Variants in RANBP17 observed in about 807,000 individuals in gnomAD.
RANBP17 encodes RAN binding protein 17, also known as ran-binding protein 17.
Under a neutral mutation model 141.2 loss-of-function variants are expected in RANBP17, and 158 were observed. The observed-to-expected ratio is 1.12, with a 90% CI of 0.98 to 1.28. The LOEUF is 1.28. Among genes scored for constraint, RANBP17 ranks in the 50% most tolerant of loss-of-function variants. The probability of loss-of-function intolerance (pLI) is 0.00; values close to 1 mark genes in which losing one functional copy is unlikely to be tolerated. For synonymous variants in RANBP17, 430 were observed against 450.0 expected, an observed-to-expected ratio of 0.96 and a Z score of 0.56; for missense variants, 1,438 against 1,290.7, an observed-to-expected ratio of 1.11 and a Z score of -1.75.
chr5:171,233,169 C>G (rs1764310507), intron 22 of RANBP17, among the ~76,000 whole-genome samples: 1 of 151,864 alleles, frequency 6.6e-6, no homozygotes, highest in Non-Finnish European at 1.5e-5. Context: ...GAGACCCCGT[C>G]TCTATAAAAA....
intron 14 of RANBP17, among the ~76,000 whole-genome samples, chr5:171,145,130 A>G (rs1460491190): frequency 6.6e-6 from 1 of 152,248 alleles, no homozygotes; most frequent in Admixed American, 6.5e-5. Context: ...GGGCTTCTGT[A>G]TATAAAGAAA....
At chr5:171,024,844 G>C (rs572877386) in intron 14 of RANBP17, among the ~76,000 whole-genome samples, 1 of 150,290 alleles carries the variant, frequency 6.7e-6, no homozygotes, top group Non-Finnish European at 1.5e-5. Context: ...TTCAATTACT[G>C]TCTATTTCCT....
In RANBP17 at chr5:171,054,393, G is replaced by A. The variant is rs1030817545; in HGVS notation, c.1710+86016G>A. 3.9e-5 allele frequency among the ~76,000 whole-genome samples: 6 copies of A among 152,160 alleles called. No homozygotes were observed. In the South Asian group the frequency reaches 6.2e-4, roughly 16 times the overall value. Reference sequence around the variant, plus strand: ...CATTAGTTTTCTGGAAAAGGGGTGGGCAGTTCTTGGAACTGAGGGTTCCTC... The same window carrying A: ...CATTAGTTTTCTGGAAAAGGGGTGGACAGTTCTTGGAACTGAGGGTTCCTC... On this transcript the variant is annotated intron_variant, in intron 14 of 27. Transcript: ENST00000523189.
At chr5:171,173,918 C>A (rs1026043289) in intron 16 of RANBP17, among the ~76,000 whole-genome samples, 1 of 152,066 alleles carries the variant, frequency 6.6e-6, no homozygotes, top group Non-Finnish European at 1.5e-5. Flanking sequence ...TCTGGTACTT[C>A]CCTCACAGAC....
At chr5:171,127,737 G>C (rs1228053625) in intron 14 of RANBP17, among the ~76,000 whole-genome samples, 1 of 152,146 alleles carries the variant, frequency 6.6e-6, no homozygotes, top group Non-Finnish European at 1.5e-5. Flanking sequence ...GGTGAAAAGG[G>C]AACTGTCATA....
chr5:170,987,542 A>G (rs201377325), intron 14 of RANBP17, among the ~76,000 whole-genome samples: 2 of 16,830 alleles, frequency 1.2e-4, no homozygotes, highest in East Asian at 5.3e-3. Context: ...AGGCCTTTTT[A>G]AAAAAAAAAT....
intron 1 of RANBP17, among the ~76,000 whole-genome samples, chr5:170,868,945 T>A (rs953539859): frequency 1.3e-5 from 2 of 152,214 alleles, no homozygotes; most frequent in African/African-American, 4.8e-5. Context: ...GAAGGGTCTT[T>A]GTGTGTGTAT....
chr5:171,148,609 T>TAGAGAG (rs1172362224), intron 14 of RANBP17, among the ~76,000 whole-genome samples: 8 of 150,378 alleles, frequency 5.3e-5, no homozygotes, highest in African/African-American at 2.0e-4. Flanking sequence ...GATATATATA[T>TAGAGAG]ATATATAGAG....
At chr5:171,170,107 A>C in intron 14 of RANBP17, 23 bp from the exon 15 acceptor site, 4 of 1,343,498 alleles carry the variant, frequency 3.0e-6, no homozygotes, top group Non-Finnish European at 3.1e-6. Flanking sequence ...TAAAACTTTT[A>C]ACAATGAAAT....
chr5:170,916,806 C>A (rs1026721761), intron 9 of RANBP17, among the ~76,000 whole-genome samples: 1 of 151,554 alleles, frequency 6.6e-6, no homozygotes, highest in Non-Finnish European at 1.5e-5. Context: ...ACCTCTACCT[C>A]CCGGGTTCGA....
intron 14 of RANBP17, among the ~76,000 whole-genome samples, chr5:171,136,405 C>CT (rs928795139): frequency 6.6e-5 from 10 of 151,012 alleles, no homozygotes; most frequent in Middle Eastern, 3.4e-3. Flanking sequence ...ATTTTCTCAC[C>CT]TTTTTTTTTC....
chr5:171,175,432 A>C (rs1760383128), intron 16 of RANBP17, among the ~76,000 whole-genome samples: 1 of 152,144 alleles, frequency 6.6e-6, no homozygotes, highest in Non-Finnish European at 1.5e-5. Flanking sequence ...CTGTTTCTCC[A>C]CATCCTCTCC....
chr5:171,168,624 G>A (rs1438134800), intron 14 of RANBP17, among the ~76,000 whole-genome samples: 1 of 152,050 alleles, frequency 6.6e-6, no homozygotes, highest in Non-Finnish European at 1.5e-5. Flanking sequence ...AGGATTGTTG[G>A]TAACTGACTT....
intron 14 of RANBP17, among the ~76,000 whole-genome samples, chr5:171,120,734 C>T (rs1185923881): frequency 6.6e-6 from 1 of 152,146 alleles, no homozygotes; most frequent in East Asian, 1.9e-4. Context: ...GAGTCTGTTA[C>T]TGGTGAATTA....
intron 14 of RANBP17, among the ~76,000 whole-genome samples, chr5:170,996,614 G>A (rs1232907988): frequency 6.6e-6 from 1 of 152,140 alleles, no homozygotes; most frequent in African/African-American, 2.4e-5. Flanking sequence ...GTACTCAAAA[G>A]CACTTGCCGT....
intron 12 of RANBP17, among the ~76,000 whole-genome samples, chr5:170,950,431 A>G (rs1361300181): frequency 6.6e-6 from 1 of 152,190 alleles, no homozygotes; most frequent in Non-Finnish European, 1.5e-5. Flanking sequence ...AATGACATGA[A>G]TAGACATTTC....
At chr5:171,241,225 C>T in intron 23 of RANBP17, 83 bp downstream of exon 23, 1 of 1,018,104 alleles carries the variant, frequency 9.8e-7, no homozygotes, top group Non-Finnish European at 1.5e-6. Context: ...TAATGAAGCC[C>T]AGGGAGTTAG....
rs140961949 is a variant in RANBP17, at chr5:170,930,172, A to G, written c.1468+5622A>G. Among the ~76,000 whole-genome samples the G allele has an allele frequency of 2.6e-3, 381 of 149,112 alleles. 5 individuals are homozygous for G. Among genetic ancestry groups the G allele is most frequent in the Admixed American group, 0.024 (357 of 15,016 alleles). On this transcript the variant is annotated intron_variant, in intron 12 of 27. Coordinates refer to ENST00000523189, the MANE Select transcript of RANBP17 (RefSeq NM_022897.5). ...ATTTCACTGATTTTTTTTCGCCTTT[A>G]TTATTTTCTGCCTTATACTTACTTT...
At chr5:170,923,478 T>C (rs1224375564) in intron 11 of RANBP17, among the ~76,000 whole-genome samples, 1 of 152,214 alleles carries the variant, frequency 6.6e-6, no homozygotes, top group East Asian at 1.9e-4. Context: ...TTCTACTTTC[T>C]TTGCTTTTCC....
Sources: gnomAD v4.1 joint callset for allele counts (sites outside exome capture counted in the v4.1 genomes callset) on GRCh38, gnomAD v4.1.1 for gene constraint, MANE v1.5 for transcripts, NCBI Gene and HGNC (gene_info 2026-07-23, HGNC 2026-07-21) for gene names.